DERL2: variants seen among roughly 807,000 people sequenced by gnomAD.
DERL2 encodes the protein derlin 2.
DERL2 carries 13 observed loss-of-function variants against 32.0 expected under a neutral mutation model. The observed-to-expected ratio is 0.41, with a 90% CI of 0.26 to 0.65. DERL2 has a LOEUF of 0.65. DERL2 is among the 30% of genes least tolerant of loss of function. The pLI is 0.35. For missense variants in DERL2, 208 were observed against 296.3 expected, an observed-to-expected ratio of 0.70 and a Z score of 2.19; for synonymous variants, 111 against 104.7, an observed-to-expected ratio of 1.06 and a Z score of -0.37.
chr17:5,484,853 C>T (rs992457629), intron 2 of DERL2, among the ~76,000 whole-genome samples: 3 of 152,190 alleles, frequency 2.0e-5, no homozygotes, highest in Admixed American at 6.5e-5. Flanking sequence ...AATACAGGAA[C>T]TGGACACATC....
intron 6 of DERL2, among the ~76,000 whole-genome samples, chr17:5,477,046 G>A (rs1041719650): frequency 4.6e-5 from 7 of 152,146 alleles, no homozygotes; most frequent in East Asian, 1.9e-4. Context: ...CGAAAGACTG[G>A]TTACATATGA....
intron 1 of DERL2, 101 bp downstream of exon 1, chr17:5,485,968 G>A: frequency 9.3e-7 from 1 of 1,071,898 alleles, no homozygotes; most frequent in African/African-American, 1.6e-5. Context: ...CCATCCCCGG[G>A]ACCAGCCCCT....
rs1190221863 is a variant in DERL2, at chr17:5,471,745, TC to T, written c.*2938del. The T allele has an allele frequency of 6.6e-6, 1 of 152,136 alleles. No individual in the cohort carries two copies. The highest frequency in any genetic ancestry group is 2.4e-5 in the African/African-American group (1 of 41,428). 9.4% of individuals were successfully genotyped at this position (152,136 alleles called of 1,614,324 possible). ...AATATGTTTAAGTAGCCTGGAGACA[TC>T]CTACAGAACACAGAAAATAATGGCA... On this transcript the variant is annotated 3_prime_UTR_variant, in exon 7 of 7. Transcript: ENST00000158771.
At chr17:5,486,193 C>A (rs780581572), upstream of DERL2, 2 of 1,199,476 alleles carry the variant, frequency 1.7e-6, no homozygotes, top group Non-Finnish European at 2.2e-6. Context: ...CACCCCCCAC[C>A]CACCCCATTT....
chr17:5,480,609 C>T, intron 4 of DERL2, 27 bp from the exon 5 acceptor site: 1 of 1,459,732 alleles, frequency 6.9e-7, no homozygotes, highest in South Asian at 1.6e-5. Flanking sequence ...AGGAAAATAT[C>T]AACATTAAAA....
chr17:5,482,638 C>G, intron 3 of DERL2, 171 bp downstream of exon 3: 1 of 509,692 alleles, frequency 2.0e-6, no homozygotes, highest in South Asian at 2.2e-5. Flanking sequence ...AACAAAGTGA[C>G]CTACAGACAT....
intron 5 of DERL2, 52 bp from the exon 6 acceptor site, chr17:5,480,196 C>A: frequency 7.5e-7 from 1 of 1,338,148 alleles, no homozygotes; most frequent in Non-Finnish European, 1.1e-6. Context: ...ATTTAGATTG[C>A]AGGTAGACCT....
rs1424807430 is a variant in DERL2 at position 5,481,514 on chromosome 17, G to A, written c.234-125C>T. 1 of 686,608 alleles carries A rather than the reference G, an allele frequency of 1.5e-6. No individual in the cohort carries two copies. Among genetic ancestry groups the A allele is most frequent in the African/African-American group, 1.8e-5 (1 of 55,238 alleles). The allele number at this position is 686,608 out of a possible 1,614,324, so 42.5% of individuals were successfully genotyped here. On this transcript the variant is annotated intron_variant, in intron 3 of 6. Coordinates refer to ENST00000158771, the MANE Select transcript of DERL2 (RefSeq NM_016041.5). The surrounding 1 kb of genome is among the most constrained non-coding windows in gnomAD (Gnocchi z 4.4). ...ATTAGTCAAGTCTTCATTTGTATAA[G>A]AATGTTTGAGTGGTAATGTGATTAC...
intron 5 of DERL2, 117 bp from the exon 6 acceptor site, chr17:5,480,261 A>T: frequency 8.1e-7 from 1 of 1,227,132 alleles, no homozygotes; most frequent in Non-Finnish European, 1.1e-6. Context: ...ATTAAAAATT[A>T]ATGAACTAAT....
chr17:5,473,963 C>G lies in DERL2; in HGVS notation c.*721G>C, dbSNP rs1234997583. The G allele has an allele frequency of 6.6e-6, 1 of 152,132 alleles. No individual in the cohort carries two copies. Among genetic ancestry groups the G allele is most frequent in the Non-Finnish European group, 1.5e-5 (1 of 68,024 alleles). The allele number at this position is 152,132 out of a possible 1,614,324, so 9.4% of individuals were successfully genotyped here. A position where few individuals can be genotyped will look rare whatever the true frequency, so the allele number is the denominator to read the frequency against. ...GCCACATTAGCTTACAGCTGACTTT[C>G]CTATAGCTGAATTCCTACTGCTACA... On this transcript the variant is annotated 3_prime_UTR_variant, in exon 7 of 7. Coordinates refer to ENST00000158771, the MANE Select transcript of DERL2 (RefSeq NM_016041.5).
Position 5,481,447 on chromosome 17 carries a change from A to C in DERL2, c.234-58T>G, listed in dbSNP as rs1905776966. 1.1e-5 allele frequency: 13 copies of C among 1,200,374 alleles called. No individual in the cohort carries two copies. The highest frequency in any genetic ancestry group is 1.4e-5 in the Non-Finnish European group (11 of 810,408). 74.4% of individuals were successfully genotyped at this position (1,200,374 alleles called of 1,614,324 possible). ...ACGAATATGAACAAAGTAAAAATTTAATGTTATCTTGTAAGTACACTTGGA... is the reference window on the plus strand; with the variant it reads ...ACGAATATGAACAAAGTAAAAATTTCATGTTATCTTGTAAGTACACTTGGA... On this transcript the variant is annotated intron_variant, in intron 3 of 6. Transcript: ENST00000158771. The surrounding 1 kb of genome is among the most constrained non-coding windows in gnomAD (Gnocchi z 4.4).
Position 5,471,443 on chromosome 17 carries a change from A to G in DERL2, c.*3241T>C, listed in dbSNP as rs765260987. The G allele has an allele frequency of 1.3e-5, 2 of 152,236 alleles. No homozygotes were observed. Among genetic ancestry groups the G allele is most frequent in the Non-Finnish European group, 2.9e-5 (2 of 68,038 alleles). The allele number at this position is 152,236 out of a possible 1,614,324, so 9.4% of individuals were successfully genotyped here. On this transcript the variant is annotated 3_prime_UTR_variant, in exon 7 of 7. Coordinates refer to ENST00000158771, the MANE Select transcript of DERL2 (RefSeq NM_016041.5). ...CAAGACAATATATAATTTGGCGTTA[A>G]GAATGTCATACAGACTTGAAGCTTT...
intron 1 of DERL2, 52 bp from the exon 2 acceptor site, chr17:5,485,268 AT>A: frequency 7.5e-7 from 1 of 1,340,052 alleles, no homozygotes; most frequent in Non-Finnish European, 1.0e-6. Context: ...AAATTTCATC[AT>A]TTACAACAAA....
At chr17:5,475,369 C>T (rs149775675) in intron 6 of DERL2, among the ~76,000 whole-genome samples, 17,264 of 151,458 alleles carry the variant, frequency 0.11, 1,092 homozygotes, top group African/African-American at 0.18. Context: ...AAGCAATTCT[C>T]CTGCCTCAGC....
At chr17:5,486,210 C>A, upstream of DERL2, 5 of 1,202,084 alleles carry the variant, frequency 4.2e-6, no homozygotes, top group Non-Finnish European at 5.4e-6. Flanking sequence ...ATTTCCCCTT[C>A]CGCCAGCAGG....
At chr17:5,476,437 A>C (rs1905382468) in intron 6 of DERL2, among the ~76,000 whole-genome samples, 1 of 152,244 alleles carries the variant, frequency 6.6e-6, no homozygotes, top group Non-Finnish European at 1.5e-5. Flanking sequence ...CCATGTGGTC[A>C]ATAAACGTGA....
At chr17:5,480,924 A>G in intron 4 of DERL2, 1 of 487,256 alleles carries the variant, frequency 2.1e-6, no homozygotes, top group Admixed American at 3.8e-5. Flanking sequence ...TAGCTGGAAC[A>G]AAACCATCTT....
intron 2 of DERL2, among the ~76,000 whole-genome samples, chr17:5,483,241 T>C (rs1192383457): frequency 6.6e-6 from 1 of 151,418 alleles, no homozygotes; most frequent in African/African-American, 2.4e-5. Context: ...AGAACTGACA[T>C]ATCAGAGAAA....
rs550989296 is a variant in DERL2, at chr17:5,472,810, C to T, written c.*1874G>A. On this transcript the variant is annotated 3_prime_UTR_variant, in exon 7 of 7. Transcript: ENST00000158771. ...AAACAAAAAACAAAATTCTAACAAACGTCACTGATAAAGCGTTCTTGAGCA... is the reference window on the plus strand; with the variant it reads ...AAACAAAAAACAAAATTCTAACAAATGTCACTGATAAAGCGTTCTTGAGCA... 12 of 151,190 alleles carry T rather than the reference C, an allele frequency of 7.9e-5. No homozygotes were observed. The highest frequency in any genetic ancestry group is 1.2e-4 in the African/African-American group (5 of 41,280). The allele number at this position is 151,190 out of a possible 1,614,324, so 9.4% of individuals were successfully genotyped here.
Sources: gnomAD v4.1 joint callset for allele counts (sites outside exome capture counted in the v4.1 genomes callset) on GRCh38, gnomAD v4.1.1 for gene constraint, Gnocchi (gnomAD v3.1) non-coding constraint, MANE v1.5 for transcripts, NCBI Gene and HGNC (gene_info 2026-07-23, HGNC 2026-07-21) for gene names.